CPEB3: variants seen among roughly 807,000 people sequenced by gnomAD.
The protein encoded by CPEB3 is cytoplasmic polyadenylation element-binding protein 3.
Under a neutral mutation model 67.2 loss-of-function variants are expected in CPEB3, and 20 were observed. The ratio of observed to expected loss-of-function variants is 0.30; its 90% CI spans 0.21 to 0.43. The LOEUF (loss-of-function observed/expected upper bound fraction) is 0.43, where lower values mean the gene tolerates loss of function less well. Ranked by LOEUF, CPEB3 falls within the 20% of genes least tolerant of loss-of-function variation. CPEB3 has a pLI of 1.00. For synonymous variants in CPEB3, 376 were observed against 393.1 expected, an observed-to-expected ratio of 0.96 and a Z score of 0.51; for missense variants, 746 against 968.6, an observed-to-expected ratio of 0.77 and a Z score of 3.05.
intron 7 of CPEB3, among the ~76,000 whole-genome samples, chr10:92,100,384 G>A (rs888064004): frequency 1.3e-5 from 2 of 150,870 alleles, no homozygotes; most frequent in Admixed American, 6.6e-5. Context: ...AGTGATTCTC[G>A]TGCCTCAGTC....
chr10:92,256,678 C>G (rs1332786073), intron 1 of CPEB3, among the ~76,000 whole-genome samples: 1 of 152,186 alleles, frequency 6.6e-6, no homozygotes, highest in Non-Finnish European at 1.5e-5. Context: ...AGCCACTGTG[C>G]CCAGCCCAAA....
At chr10:92,221,930 C>G (rs963099005) in intron 2 of CPEB3, among the ~76,000 whole-genome samples, 2 of 152,138 alleles carry the variant, frequency 1.3e-5, no homozygotes, top group African/African-American at 4.8e-5. Context: ...CGAGCCTTTA[C>G]CAGACAATGA....
intron 6 of CPEB3, among the ~76,000 whole-genome samples, chr10:92,141,740 C>A (rs1268486790): frequency 1.3e-5 from 2 of 150,446 alleles, no homozygotes; most frequent in African/African-American, 4.9e-5. Context: ...AAAAAAAGGC[C>A]GGGCATGGTG....
At chr10:92,228,719 T>C (rs61333663) in intron 2 of CPEB3, among the ~76,000 whole-genome samples, 5 of 124,738 alleles carry the variant, frequency 4.0e-5, no homozygotes, top group African/African-American at 9.8e-5. Context: ...TATATATACA[T>C]TTTTTTTTTT....
intron 9 of CPEB3, among the ~76,000 whole-genome samples, chr10:92,080,894 C>A (rs979687688): frequency 6.6e-6 from 1 of 152,062 alleles, no homozygotes; most frequent in African/African-American, 2.4e-5. Context: ...CCACCGCGCC[C>A]GGTCATTTGG....
intron 9 of CPEB3, among the ~76,000 whole-genome samples, chr10:92,060,487 A>G (rs1842300005): frequency 6.6e-6 from 1 of 152,192 alleles, no homozygotes; most frequent in Non-Finnish European, 1.5e-5. Context: ...ACCCCCCAAC[A>G]AACAGACAAC....
At chr10:92,080,828 C>T (rs1303883905) in intron 9 of CPEB3, among the ~76,000 whole-genome samples, 2 of 152,076 alleles carry the variant, frequency 1.3e-5, no homozygotes, top group Non-Finnish European at 2.9e-5. Flanking sequence ...TCTCGATCTC[C>T]TGATTCATGA....
intron 7 of CPEB3, among the ~76,000 whole-genome samples, chr10:92,103,665 C>T (rs1415973674): frequency 6.6e-6 from 1 of 152,154 alleles, no homozygotes; most frequent in Non-Finnish European, 1.5e-5. Flanking sequence ...TGCCTGTTTG[C>T]AATGCATCAA....
chr10:92,125,441 C>G (rs1286208077), intron 6 of CPEB3, among the ~76,000 whole-genome samples: 1 of 152,202 alleles, frequency 6.6e-6, no homozygotes, highest in Non-Finnish European at 1.5e-5. Context: ...CAGCTGTGCT[C>G]ATTGCACAGC....
chr10:92,226,990 C>T (rs1159289742), intron 2 of CPEB3, among the ~76,000 whole-genome samples: 1 of 152,154 alleles, frequency 6.6e-6, no homozygotes, highest in East Asian at 1.9e-4. Context: ...ATGGTATATG[C>T]ACAGAAAGGA....
chr10:92,186,151 C>A (rs377646789), intron 3 of CPEB3, among the ~76,000 whole-genome samples: 1 of 148,502 alleles, frequency 6.7e-6, no homozygotes, highest in Admixed American at 6.8e-5. Flanking sequence ...GTGGGCAGAT[C>A]GCTTGAGCTC....
At chr10:92,247,419 T>TG (rs1852118060) in intron 1 of CPEB3, among the ~76,000 whole-genome samples, 1 of 151,732 alleles carries the variant, frequency 6.6e-6, no homozygotes, top group African/African-American at 2.4e-5. Context: ...TGTTTTGAGA[T>TG]GGAGTTTCAC....
At chr10:92,069,905 C>T (rs1380232558) in intron 9 of CPEB3, among the ~76,000 whole-genome samples, 1 of 152,084 alleles carries the variant, frequency 6.6e-6, no homozygotes, top group Admixed American at 6.6e-5. Flanking sequence ...TAAAGAATTA[C>T]AAATACTAAA....
intron 6 of CPEB3, chr10:92,137,611 G>C (rs1846165632): frequency 3.0e-6 from 2 of 665,006 alleles, no homozygotes; most frequent in East Asian, 2.6e-5. Context: ...CATCAATGTG[G>C]AACATGAGGA....
At chr10:92,098,371 C>T (rs1007131063) in intron 7 of CPEB3, among the ~76,000 whole-genome samples, 3 of 151,952 alleles carry the variant, frequency 2.0e-5, no homozygotes, top group East Asian at 2.0e-4. Flanking sequence ...TGCAAAGGCA[C>T]GATCTTGGCT....
At chr10:92,083,379 T>C (rs1843235121) in intron 8 of CPEB3, among the ~76,000 whole-genome samples, 1 of 152,166 alleles carries the variant, frequency 6.6e-6, no homozygotes, top group Non-Finnish European at 1.5e-5. Flanking sequence ...CTGACTGCAG[T>C]CTTGGGGCAG....
chr10:92,112,092 T>C (rs1157941223), intron 6 of CPEB3, among the ~76,000 whole-genome samples: 1 of 151,814 alleles, frequency 6.6e-6, no homozygotes, highest in Non-Finnish European at 1.5e-5. Context: ...TATCCATGGT[T>C]TATGAGAATA....
At chr10:92,063,120 A>T (rs1842419420) in intron 9 of CPEB3, among the ~76,000 whole-genome samples, 1 of 152,256 alleles carries the variant, frequency 6.6e-6, no homozygotes. Flanking sequence ...ACAAAGAGAA[A>T]GCCATACTTT....
At chr10:92,063,558 A>G (rs1590057881) in intron 9 of CPEB3, among the ~76,000 whole-genome samples, 1 of 152,124 alleles carries the variant, frequency 6.6e-6, no homozygotes, top group South Asian at 2.1e-4. Context: ...AGGTCAAGAG[A>G]TTGAGACCAT....
Sources: allele counts gnomAD v4.1 joint callset (sites outside exome capture counted in the v4.1 genomes callset), GRCh38; gene constraint gnomAD v4.1.1; transcripts MANE v1.5; gene names NCBI Gene and HGNC (gene_info 2026-07-23, HGNC 2026-07-21).